The following MYRFL variants were observed in gnomAD, a reference collection of about 807,000 sequenced individuals.
The protein encoded by MYRFL is myelin regulatory factor like.
A neutral mutation model predicts 109.4 loss-of-function variants in MYRFL; 88 were observed. The observed-to-expected ratio is 0.80, with a 90% CI of 0.68 to 0.96. The LOEUF is 0.96. Ranked by LOEUF, MYRFL falls within the 40% of genes least tolerant of loss-of-function variation. MYRFL has a pLI of 0.00. For missense variants in MYRFL, 957 were observed against 954.9 expected (o/e 1.00, Z -0.03); for synonymous variants, 324 against 320.9 (o/e 1.01, Z -0.10).
intron 1 of MYRFL, among the ~76,000 whole-genome samples, chr12:69,827,186 T>A (rs750461395): frequency 6.6e-5 from 10 of 152,068 alleles, no homozygotes; most frequent in Non-Finnish European, 1.5e-4. Context: ...AATTTGACAA[T>A]TTGTTACCCA....
At chr12:69,885,157 G>A (rs182892215) in intron 5 of MYRFL, among the ~76,000 whole-genome samples, 31 of 152,222 alleles carry the variant, frequency 2.0e-4, no homozygotes, top group African/African-American at 6.7e-4. Context: ...GGAGGAGTGA[G>A]AGCACGAAGA....
At chr12:69,880,955 T>TG (rs1441827155) in intron 5 of MYRFL, among the ~76,000 whole-genome samples, 1 of 135,264 alleles carries the variant, frequency 7.4e-6, no homozygotes, top group East Asian at 2.1e-4. Context: ...CTTCCTGTTT[T>TG]TTTTTTTTTT....
At chr12:69,881,967 G>A (rs17225770) in intron 5 of MYRFL, among the ~76,000 whole-genome samples, 24,613 of 151,996 alleles carry the variant, frequency 0.16, 2,253 homozygotes, top group South Asian at 0.24. Flanking sequence ...CTGCAGATGC[G>A]CTAGCTCACT....
intron 1 of MYRFL, among the ~76,000 whole-genome samples, chr12:69,837,007 T>C (rs1339632696): frequency 6.6e-6 from 1 of 152,180 alleles, no homozygotes; most frequent in Non-Finnish European, 1.5e-5. Flanking sequence ...TACAAACTCT[T>C]GCATTTCCAT....
chr12:69,937,486 A>G (rs1955507935), intron 19 of MYRFL, among the ~76,000 whole-genome samples: 1 of 152,212 alleles, frequency 6.6e-6, no homozygotes, highest in African/African-American at 2.4e-5. Flanking sequence ...TCATCATGTC[A>G]TTTAAAGTCC....
At chr12:69,846,339 C>A (rs560500937) in intron 1 of MYRFL, among the ~76,000 whole-genome samples, 1 of 149,870 alleles carries the variant, frequency 6.7e-6, no homozygotes, top group East Asian at 2.0e-4. Context: ...TCCCTCCCCC[C>A]TCACCCCACC....
chr12:69,934,039 T>C (rs1409635435), intron 16 of MYRFL, among the ~76,000 whole-genome samples: 1 of 152,098 alleles, frequency 6.6e-6, no homozygotes, highest in Non-Finnish European at 1.5e-5. Flanking sequence ...GTCCTAGAAG[T>C]TTTCTGGGCT....
Position 69,878,418 on chromosome 12 carries a change from C to T in MYRFL, c.138-610C>T, listed in dbSNP as rs185307276. 9.3e-4 allele frequency among the ~76,000 whole-genome samples: 142 copies of T among 152,004 alleles called. 2 individuals carry two copies. Among genetic ancestry groups the T allele is most frequent in the Admixed American group, 8.7e-3 (133 of 15,274 alleles). On this transcript the variant is annotated intron_variant, in intron 2 of 24. Transcript: ENST00000552032. ...GCTGTAGGGACAGCAATTTACATTT[C>T]GTTAGCTCAAACAGTATGTACAACC... is the stretch of plus-strand genomic sequence containing the variant.
rs1456495722 is a variant in MYRFL at position 69,958,488 on chromosome 12, T to C, written c.2690T>C (p.Phe897Ser). 1.1e-5 allele frequency: 17 copies of C among 1,535,496 alleles called. No homozygotes were observed. Among genetic ancestry groups the C allele is most frequent in the Admixed American group, 2.0e-5 (1 of 50,930 alleles). Residue 897 changes from phenylalanine (F) to serine (S), a missense_variant, in exon 25 of 25, where the codon TTC (phenylalanine) becomes TCC (serine). Coordinates refer to ENST00000552032, the MANE Select transcript of MYRFL (RefSeq NM_182530.3). ...CSTDPYFAGI[F>S]FTDYFFYFYR... ...ACTGATCCTTATTTTGCTGGGATAT[T>C]CTTCACCGATTACTTCTTTTACTTC...
chr12:69,906,551 A>C (rs1240274), intron 11 of MYRFL, among the ~76,000 whole-genome samples: 112,672 of 152,070 alleles, frequency 0.74, 41,838 homozygotes, highest in East Asian at 0.79. Context: ...GCAAGATATT[A>C]AAAAATTCAA....
At chr12:69,869,627 C>T (rs887865125) in intron 2 of MYRFL, among the ~76,000 whole-genome samples, 8 of 152,126 alleles carry the variant, frequency 5.3e-5, no homozygotes, top group Admixed American at 2.0e-4. Flanking sequence ...TGTGCTGAGC[C>T]GAGCTCAGTG....
chr12:69,846,829 T>C (rs1283067239), intron 1 of MYRFL, among the ~76,000 whole-genome samples: 2 of 151,730 alleles, frequency 1.3e-5, no homozygotes, highest in Non-Finnish European at 2.9e-5. Flanking sequence ...GTAAAAGTGT[T>C]CCTATTTCTC....
Position 69,880,200 on chromosome 12 carries a change from G to C in MYRFL, c.465-1G>C. ...CCTTCGTTTTGGTGTCTTGATTTTA[G>C]AGCCTCATTGCCTCCAACCAAGAAG... On this transcript the variant is annotated splice_acceptor_variant, in intron 4 of 24. Coordinates refer to ENST00000552032, the MANE Select transcript of MYRFL (RefSeq NM_182530.3). LOFTEE classifies it high-confidence loss of function. 1 of 702,478 alleles carries C rather than the reference G, an allele frequency of 1.4e-6. No homozygotes were observed. Among genetic ancestry groups the C allele is most frequent in the Non-Finnish European group, 2.6e-6 (1 of 384,730 alleles). The allele number at this position is 702,478 out of a possible 1,614,324, so 43.5% of individuals were successfully genotyped here.
At chr12:69,925,317 T>G (rs1236151367) in intron 13 of MYRFL, among the ~76,000 whole-genome samples, 5 of 152,212 alleles carry the variant, frequency 3.3e-5, no homozygotes, top group Non-Finnish European at 7.3e-5. Context: ...ATGAGATACA[T>G]CTGTCTTTGA....
At chr12:69,902,897 G>A (rs1158720913) in intron 10 of MYRFL, among the ~76,000 whole-genome samples, 4 of 152,226 alleles carry the variant, frequency 2.6e-5, no homozygotes, top group East Asian at 3.8e-4. Context: ...AAGCAATGCC[G>A]TGAAACAGGC....
Position 69,910,083 on chromosome 12 carries a change from C to T in MYRFL, c.1492+6C>T, listed in dbSNP as rs532046008. On this transcript the variant is annotated splice_donor_region_variant and intron_variant, in intron 12 of 24. Coordinates refer to ENST00000552032, the MANE Select transcript of MYRFL (RefSeq NM_182530.3). ...AAACACTGCCCATCAAACAGGTACA[C>T]ACACAAATTCCCCTTTTAATTTTGT... The T allele has an allele frequency of 4.4e-5, 66 of 1,488,326 alleles. No individual in the cohort carries two copies. The African/African-American group carries it at 5.6e-4, about 13-fold the overall frequency. The allele number at this position is 1,488,326 out of a possible 1,614,324, so 92.2% of individuals were successfully genotyped here.
In MYRFL at chr12:69,952,885, G is replaced by A. The variant is rs267603650; in HGVS notation, c.2374G>A (p.Gly792Arg). Residue 792 changes from glycine to arginine, a missense_variant and splice_region_variant, in exon 21 of 25, where the codon GGA becomes AGA. Transcript: ENST00000552032. ...GTATTGCATTCAAAGCCTCCAGTGCGGGTAGGTAAGCCTCCCCAGCATGCC... is the reference window on the plus strand; with the variant it reads ...GTATTGCATTCAAAGCCTCCAGTGCAGGTAGGTAAGCCTCCCCAGCATGCC... ...HQYCIQSLQC[G>R]SGNYNYNIPV... 1.2e-4 allele frequency: 189 copies of A among 1,532,572 alleles called. No individual in the cohort carries two copies. Among genetic ancestry groups the A allele is most frequent in the Middle Eastern group, 1.7e-4 (1 of 5,978 alleles). The allele number at this position is 1,532,572 out of a possible 1,614,324, so 94.9% of individuals were successfully genotyped here.
At chr12:69,858,895 G>A (rs190006743) in intron 2 of MYRFL, among the ~76,000 whole-genome samples, 65 of 151,826 alleles carry the variant, frequency 4.3e-4, no homozygotes, top group African/African-American at 1.5e-3. Flanking sequence ...GGTTTAGTTT[G>A]CTCTTATTTT....
At chr12:69,945,872 A>C (rs866320333) in intron 19 of MYRFL, among the ~76,000 whole-genome samples, 4,733 of 146,956 alleles carry the variant, frequency 0.032, 249 homozygotes, top group African/African-American at 0.11. Flanking sequence ...CTGTAGTCCC[A>C]GCTACTTGGG....
Sources: gnomAD v4.1 joint callset for allele counts (sites outside exome capture counted in the v4.1 genomes callset) on GRCh38, gnomAD v4.1.1 for gene constraint, MANE v1.5 for transcripts, NCBI Gene and HGNC (gene_info 2026-07-23, HGNC 2026-07-21) for gene names.